The following FRMD3 variants were observed in gnomAD, a reference collection of about 807,000 sequenced individuals.
FRMD3 encodes the protein FERM domain-containing protein 3.
In FRMD3, 33 loss-of-function variants were observed where a neutral mutation model predicts 70.2. The ratio of observed to expected loss-of-function variants is 0.47; its 90% CI spans 0.36 to 0.63. FRMD3 has a LOEUF of 0.63. Ranked by LOEUF, FRMD3 falls within the 20% of genes least tolerant of loss-of-function variation. FRMD3 has a pLI of 0.00. For synonymous variants in FRMD3, 279 were observed against 255.9 expected (o/e 1.09, Z -0.86); for missense variants, 632 against 711.4 (o/e 0.89, Z 1.27).
At chr9:83,500,753 C>G (rs1232944925) in intron 1 of FRMD3, among the ~76,000 whole-genome samples, 1 of 152,190 alleles carries the variant, frequency 6.6e-6, no homozygotes, top group African/African-American at 2.4e-5. Flanking sequence ...CCTGTGGACT[C>G]TAACAAGATG....
At chr9:83,425,434 A>C (rs4636280) in intron 1 of FRMD3, among the ~76,000 whole-genome samples, 41,735 of 151,880 alleles carry the variant, frequency 0.27, 6,605 homozygotes, top group African/African-American at 0.42. Context: ...TCATCATCCT[A>C]GCTTGTGAGA....
At chr9:83,259,443 T>C (rs1832885744) in intron 13 of FRMD3, among the ~76,000 whole-genome samples, 1 of 152,144 alleles carries the variant, frequency 6.6e-6, no homozygotes. Context: ...GTCTGTTGGG[T>C]GGTTCCCTTG....
the FRMD3 span, among the ~76,000 whole-genome samples, chr9:83,547,131 A>G: frequency 6.6e-6 from 1 of 150,668 alleles, no homozygotes; most frequent in African/African-American, 2.4e-5. Flanking sequence ...TATAGAATCA[A>G]GACGTTAGGA....
chr9:83,497,742 C>G (rs1311327108), intron 1 of FRMD3, among the ~76,000 whole-genome samples: 1 of 152,194 alleles, frequency 6.6e-6, no homozygotes, highest in Non-Finnish European at 1.5e-5. Context: ...CATGAAGACA[C>G]AAGATGGAAA....
chr9:83,327,890 A>T (rs1836082687), intron 6 of FRMD3, among the ~76,000 whole-genome samples: 1 of 152,132 alleles, frequency 6.6e-6, no homozygotes, highest in Admixed American at 6.5e-5. Flanking sequence ...CCAGTCTGTC[A>T]TTTCCAATCT....
At chr9:83,511,351 G>C (rs1172552899) in intron 1 of FRMD3, among the ~76,000 whole-genome samples, 1 of 152,174 alleles carries the variant, frequency 6.6e-6, no homozygotes, top group Non-Finnish European at 1.5e-5. Flanking sequence ...CCAGAGAAGG[G>C]GGGAGGCTGA....
intron 12 of FRMD3, among the ~76,000 whole-genome samples, chr9:83,296,443 G>A (rs1407081690): frequency 2.6e-5 from 4 of 152,224 alleles, no homozygotes; most frequent in African/African-American, 9.6e-5. Context: ...CAAGCACTGT[G>A]TTAGGTGCTG....
At chr9:83,298,982 G>A in intron 11 of FRMD3, 130 bp downstream of exon 11, 1 of 929,024 alleles carries the variant, frequency 1.1e-6, no homozygotes, top group Non-Finnish European at 1.7e-6. Flanking sequence ...GCATAAGACA[G>A]CAATGGAGTA....
At chr9:83,433,064 A>AT (rs535583208) in intron 1 of FRMD3, among the ~76,000 whole-genome samples, 140 of 152,042 alleles carry the variant, frequency 9.2e-4, no homozygotes, top group Non-Finnish European at 1.8e-3. Flanking sequence ...AAAAGACATC[A>AT]TTTTTTTCTT....
rs572460068 is a variant in FRMD3, at chr9:83,339,686, C to T, written c.472+3504G>A. ...CCTCCTGGGACACTCATAGCAGGGACTGGGCCTGTGTGTTCCTCCATCTAA... is the reference window on the plus strand; with the variant it reads ...CCTCCTGGGACACTCATAGCAGGGATTGGGCCTGTGTGTTCCTCCATCTAA... On this transcript the variant is annotated intron_variant, in intron 5 of 13. Coordinates refer to ENST00000304195, the MANE Select transcript of FRMD3 (RefSeq NM_174938.6). Among the ~76,000 whole-genome samples, 8 of 152,282 alleles carry T rather than the reference C, an allele frequency of 5.3e-5. No individual in the cohort carries two copies. In the South Asian group the frequency reaches 1.7e-3, roughly 32 times the overall value.
intron 1 of FRMD3, among the ~76,000 whole-genome samples, chr9:83,458,922 T>G (rs748052415): frequency 1.3e-5 from 2 of 152,254 alleles, no homozygotes; most frequent in Non-Finnish European, 2.9e-5. Context: ...TTTCTACTTA[T>G]GAATTAATTA....
intron 2 of FRMD3, among the ~76,000 whole-genome samples, chr9:83,374,817 A>G (rs1164224032): frequency 1.3e-5 from 2 of 152,226 alleles, no homozygotes; most frequent in Non-Finnish European, 2.9e-5. Context: ...GGAGAAGAAG[A>G]ATAAAAGAGG....
chr9:83,541,347 T>G (rs11140146), upstream of FRMD3, among the ~76,000 whole-genome samples: 9,657 of 152,320 alleles, frequency 0.063, 442 homozygotes, highest in East Asian at 0.11. Context: ...ATGTACTATC[T>G]AAATTGACTA....
chr9:83,459,624 T>G (rs1473611108), intron 1 of FRMD3, among the ~76,000 whole-genome samples: 1 of 152,190 alleles, frequency 6.6e-6, no homozygotes, highest in Non-Finnish European at 1.5e-5. Context: ...GGAGAGAAAC[T>G]GATGGCAAAC....
At chr9:83,453,972 A>C (rs4637926) in intron 1 of FRMD3, among the ~76,000 whole-genome samples, 45,196 of 151,864 alleles carry the variant, frequency 0.3, 6,895 homozygotes, top group Non-Finnish European at 0.34. Context: ...GCCTCGGCCT[A>C]CTAAAGTGCT....
chr9:83,276,665 A>G (rs1833803387), intron 13 of FRMD3: 2 of 152,224 alleles, frequency 1.3e-5, no homozygotes, highest in Non-Finnish European at 2.9e-5. Flanking sequence ...GCTACATGCA[A>G]AACAAGTTGC....
chr9:83,427,825 A>G (rs1261306472), intron 1 of FRMD3, among the ~76,000 whole-genome samples: 1 of 152,218 alleles, frequency 6.6e-6, no homozygotes, highest in African/African-American at 2.4e-5. Context: ...CTGATCAGTA[A>G]TTGGGAAAAC....
chr9:83,326,096 G>A (rs1313121700), intron 6 of FRMD3, among the ~76,000 whole-genome samples: 1 of 152,148 alleles, frequency 6.6e-6, no homozygotes, highest in African/African-American at 2.4e-5. Flanking sequence ...CCAGAACACA[G>A]GAACGTGAAA....
At chr9:83,508,134 G>A (rs902065607) in intron 1 of FRMD3, among the ~76,000 whole-genome samples, 4 of 152,136 alleles carry the variant, frequency 2.6e-5, no homozygotes, top group South Asian at 2.1e-4. Flanking sequence ...AATGCTGAGC[G>A]CAAGAAGCCA....
Sources: gnomAD v4.1 joint callset for allele counts (sites outside exome capture counted in the v4.1 genomes callset) on GRCh38, gnomAD v4.1.1 for gene constraint, MANE v1.5 for transcripts, NCBI Gene and HGNC (gene_info 2026-07-23, HGNC 2026-07-21) for gene names.